Variants in BTNL9 observed in about 807,000 individuals in gnomAD.
BTNL9 encodes the protein butyrophilin-like protein 9.
A neutral mutation model predicts 45.8 loss-of-function variants in BTNL9; 45 were observed. The observed-to-expected ratio is 0.98, with a 90% CI of 0.77 to 1.26. The LOEUF is 1.26. Ranked by LOEUF, BTNL9 falls within the 50% of genes most tolerant of loss-of-function variation. The pLI, the probability that BTNL9 is intolerant of heterozygous loss-of-function variation, is 0.00. For missense variants in BTNL9, 784 were observed against 729.7 expected (o/e 1.07, Z -0.86); for synonymous variants, 346 against 330.8 (o/e 1.05, Z -0.50).
chr5:181,055,536 G>A lies in BTNL9; in HGVS notation c.928+83G>A, dbSNP rs922494214. On this transcript the variant is annotated intron_variant, in intron 8 of 10. Transcript: ENST00000327705. This position sits in a 1 kb window ranked among gnomAD's most constrained non-coding sequence, Gnocchi z 4.4. ...TGTAATCCCAGTACTTTGGGAGGCCGAGGCGGGTGGATCACGAGGTCAGGA... is the reference window on the plus strand; with the variant it reads ...TGTAATCCCAGTACTTTGGGAGGCCAAGGCGGGTGGATCACGAGGTCAGGA... 19 of 1,483,302 alleles carry A rather than the reference G, an allele frequency of 1.3e-5. No homozygotes were observed. Among genetic ancestry groups the A allele is most frequent in the East Asian group, 1.1e-4 (5 of 44,256 alleles). 91.9% of individuals were successfully genotyped at this position (1,483,302 alleles called of 1,614,324 possible).
chr5:181,059,741 A>T lies in BTNL9; in HGVS notation c.1487A>T (p.His496Leu). ...CCCAGGGCCCACGACGGCGGCGAAC[A>T]TCCGGATCCCCTGACCATCTGCCCG... ...FRPRAHDGGE[H>L]PDPLTICPLP... Residue 496 changes from histidine (H) to leucine (L), a missense_variant, in exon 11 of 11, where the codon CAT becomes CTT. By Grantham distance (99) the His-to-Leu change is moderately conservative. Transcript: ENST00000327705. The T allele has an allele frequency of 6.2e-7, 1 of 1,612,910 alleles. No individual in the cohort carries two copies. The highest frequency in any genetic ancestry group is 1.3e-5 in the African/African-American group (1 of 75,050).
At position 181,053,832 on chromosome 5, in the gene BTNL9, G is replaced by T; in HGVS notation, c.886+331G>T. 1 of 1,512,748 alleles carries T rather than the reference G, an allele frequency of 6.6e-7. No individual in the cohort carries two copies. Among genetic ancestry groups the T allele is most frequent in the Admixed American group, 2.0e-5 (1 of 50,252 alleles). 93.7% of individuals were successfully genotyped at this position (1,512,748 alleles called of 1,614,324 possible). ...CTGCTGCCAGCGCCACCTCGTCCAG[G>T]TTTTCATAGCGCACAGGGAGTCGGG... On this transcript the variant is annotated intron_variant, in intron 6 of 10. Transcript: ENST00000327705. The surrounding 1 kb of genome is among the most constrained non-coding windows in gnomAD (Gnocchi z 6.5).
chr5:181,054,530 C>T (rs1582143681), intron 7 of BTNL9: 7 of 985,298 alleles, frequency 7.1e-6, no homozygotes, highest in Non-Finnish European at 8.4e-6. Flanking sequence ...TTACTGTCTC[C>T]GGTTCATCTT....
Position 181,059,267 on chromosome 5 carries a change from A to G in BTNL9, c.1013A>G (p.His338Arg). The G allele has an allele frequency of 1.3e-6, 2 of 1,568,268 alleles. No homozygotes were observed. The highest frequency in any genetic ancestry group is 1.7e-6 in the Non-Finnish European group (2 of 1,166,124). ...VDVTLDPASA[H>R]PSLEVSEDGK... ...GTGACGCTGGACCCGGCCTCGGCGC[A>G]CCCCAGCCTGGAGGTGTCGGAGGAT... The change falls in exon 11 of 11, where the codon CAC becomes CGC. Residue 338 changes from histidine (H) to arginine (R), a missense_variant. By Grantham distance (29) the His-to-Arg change is conservative. Coordinates refer to ENST00000327705, the MANE Select transcript of BTNL9 (RefSeq NM_152547.5).
Position 181,048,108 on chromosome 5 carries a change from G to A in BTNL9, c.291G>A (p.Met97Ile), listed in dbSNP as rs748681907. ...QEQQELPGRQMPAFRNRTKLV... is the reference protein window; with the variant it reads ...QEQQELPGRQIPAFRNRTKLV... ...AGCAGGAGCTCCCTGGCAGGCAGAT[G>A]CCGGCGTTCCGGAACAGGACCAAGT... The change falls in exon 3 of 11, where the codon ATG (methionine) becomes ATA (isoleucine). Residue 97 changes from methionine to isoleucine, a missense_variant. Transcript: ENST00000327705. 6.2e-7 allele frequency: 1 copy of A among 1,613,636 alleles called. No individual in the cohort carries two copies. Among genetic ancestry groups the A allele is most frequent in the Non-Finnish European group, 8.5e-7 (1 of 1,180,000 alleles).
rs1212162077 is a variant in BTNL9 at position 181,042,078 on chromosome 5, G to A, written c.-24+1646G>A. Among the ~76,000 whole-genome samples the A allele has an allele frequency of 6.6e-6, 1 of 152,188 alleles. No individual in the cohort carries two copies. Among genetic ancestry groups the A allele is most frequent in the Non-Finnish European group, 1.5e-5 (1 of 68,030 alleles). ...GGTGCAGGAGGAGAGAACAGGAGTG[G>A]GGCGGGCTGGGGGCAATGAGAGAGC... is the stretch of plus-strand genomic sequence containing the variant. On this transcript the variant is annotated intron_variant, in intron 1 of 10. Coordinates refer to ENST00000327705, the MANE Select transcript of BTNL9 (RefSeq NM_152547.5). This position sits in a 1 kb window ranked among gnomAD's most constrained non-coding sequence, Gnocchi z 4.5.
At chr5:181,048,337 G>A (rs2113186014) in intron 3 of BTNL9, 66 bp downstream of exon 3, 4 of 1,388,600 alleles carry the variant, frequency 2.9e-6, no homozygotes, top group South Asian at 1.3e-5. Flanking sequence ...AAGTAGAGGT[G>A]GAGTCACAGA....
rs1307363229 is a variant in BTNL9, at chr5:181,055,687, T to A, written c.928+234T>A. 1.5e-6 allele frequency: 1 copy of A among 688,964 alleles called. No individual in the cohort carries two copies. The highest frequency in any genetic ancestry group is 2.6e-6 in the Non-Finnish European group (1 of 386,860). 42.7% of individuals were successfully genotyped at this position (688,964 alleles called of 1,614,324 possible). ...GGGAGGCTGAGGCAGGAGAAGGGCG[T>A]GAACCCGGGAAGCGGAGCTTGCAGT... On this transcript the variant is annotated intron_variant, in intron 8 of 10. Coordinates refer to ENST00000327705, the MANE Select transcript of BTNL9 (RefSeq NM_152547.5). This position sits in a 1 kb window ranked among gnomAD's most constrained non-coding sequence, Gnocchi z 4.4.
intron 1 of BTNL9, among the ~76,000 whole-genome samples, 156 bp from the exon 2 acceptor site, chr5:181,045,311 C>G (rs1761037379): frequency 6.6e-6 from 1 of 152,162 alleles, no homozygotes; most frequent in South Asian, 2.1e-4. Context: ...CAGCTCTCCC[C>G]TCTGGCCATG....
rs961832767 is a variant in BTNL9 at position 181,045,592 on chromosome 5, A to C, written c.103A>C (p.Ser35Arg). 8.1e-6 allele frequency: 13 copies of C among 1,610,256 alleles called. No homozygotes were observed. The highest frequency in any genetic ancestry group is 1.3e-5 in the African/African-American group (1 of 74,626). The change falls in exon 2 of 11, where the codon AGC becomes CGC. Residue 35 changes from serine (S) to arginine (R), a missense_variant. Transcript: ENST00000327705. Reference sequence around the variant, plus strand: ...CCTCCTCCTTCAGCCTGGGGAGCCGAGCTCAGGTATTGTGTCTGCAGCCTA... The same window carrying C: ...CCTCCTCCTTCAGCCTGGGGAGCCGCGCTCAGGTATTGTGTCTGCAGCCTA... ...HLLLLQPGEPSSEVKVLGPEY... is the reference protein window; with the variant it reads ...HLLLLQPGEPRSEVKVLGPEY...
rs768439165 is a variant in BTNL9 at position 181,048,007 on chromosome 5, C to T, written c.190C>T (p.Gln64Ter). 6.8e-6 allele frequency: 11 copies of T among 1,613,840 alleles called. No homozygotes were observed. In the Admixed American group the frequency reaches 1.3e-4, roughly 20 times the overall value. ...EVEFPCHLWPQLDAQQMEIRW... is the reference protein window; with the variant it reads ...EVEFPCHLWP The stretch of plus-strand genomic sequence containing the variant: ...GGAGTTCCCGTGCCACCTATGGCCA[C>T]AGCTGGATGCCCAGCAAATGGAGAT... Residue 64 changes from glutamine to a stop codon, truncating the protein, a stop_gained, in exon 3 of 11, where the codon CAG (glutamine) becomes TAG (stop). Transcript: ENST00000327705. LOFTEE classifies it high-confidence loss of function.
In BTNL9 at chr5:181,059,783, C is replaced by T. The variant is rs1762079798; in HGVS notation, c.1529C>T (p.Thr510Met). The T allele has an allele frequency of 6.2e-7, 1 of 1,608,704 alleles. No homozygotes were observed. The change falls in exon 11 of 11, where the codon ACG (threonine) becomes ATG (methionine). Residue 510 changes from threonine (T) to methionine (M), a missense_variant. Transcript: ENST00000327705. ...LTICPLPVRG[T>M]GVPEENDSDT... ...ATCTGCCCGCTGCCGGTTAGAGGGA[C>T]GGGCGTCCCCGAAGAGAACGACAGT...
intron 6 of BTNL9, 79 bp from the exon 7 acceptor site, chr5:181,054,160 C>T (rs897091436): frequency 1.9e-6 from 3 of 1,598,730 alleles, no homozygotes; most frequent in East Asian, 2.3e-5. Flanking sequence ...CAGTGTTCAC[C>T]CATCTGTTCT....
Position 181,047,963 on chromosome 5 carries a change from CCCT to C in BTNL9, c.148_150del (p.Leu50del), listed in dbSNP as rs772657762. On this transcript the variant is annotated inframe_deletion, in exon 3 of 11. Coordinates refer to ENST00000327705, the MANE Select transcript of BTNL9 (RefSeq NM_152547.5). ...CTAGGCCCTGAGTATCCCATCCTGG[CCCT>C]CGTCGGGGAGGAGGTGGAGTTCCCG... is the stretch of plus-strand genomic sequence containing the variant. The C allele has an allele frequency of 6.2e-7, 1 of 1,613,880 alleles. No individual in the cohort carries two copies. The highest frequency in any genetic ancestry group is 2.2e-5 in the East Asian group (1 of 44,886).
rs757778373 is a variant in BTNL9, at chr5:181,059,234, CA to C, written c.983-2del. 2 of 1,543,038 alleles carry C rather than the reference CA, an allele frequency of 1.3e-6. No individual in the cohort carries two copies. The highest frequency in any genetic ancestry group is 1.7e-6 in the Non-Finnish European group (2 of 1,154,520). On this transcript the variant is annotated splice_acceptor_variant, in intron 10 of 10. Transcript: ENST00000327705. LOFTEE classifies it high-confidence loss of function. ...CGGGCACTAACGCTGTGGCTCTGCG[CA>C]GTGGATGTGACGCTGGACCCGGCCT...
Position 181,050,013 on chromosome 5 carries a change from T to A in BTNL9, c.455-75T>A. On this transcript the variant is annotated intron_variant, in intron 3 of 10. Transcript: ENST00000327705. This position sits in a 1 kb window ranked among gnomAD's most constrained non-coding sequence, Gnocchi z 4.9. ...GATGCTTTATGGTGACTGCAAATGC[T>A]GAACAGTGGCAGGAATGTTATGCGT... The A allele has an allele frequency of 6.5e-7, 1 of 1,528,692 alleles. No homozygotes were observed. The highest frequency in any genetic ancestry group is 8.9e-7 in the Non-Finnish European group (1 of 1,128,326). 94.7% of individuals were successfully genotyped at this position (1,528,692 alleles called of 1,614,324 possible).
At position 181,047,932 on chromosome 5, in the gene BTNL9, AAGG is replaced by A. The variant is rs1406081081; in HGVS notation, c.116_118del (p.Lys39_Val40delinsMet). 1 of 1,612,784 alleles carries A rather than the reference AAGG, an allele frequency of 6.2e-7. No homozygotes were observed. The highest frequency in any genetic ancestry group is 1.1e-5 in the South Asian group (1 of 91,016). ...GTTCTGACTTGTCATCCTAGAGGTC[AAGG>A]TGCTAGGCCCTGAGTATCCCATCCT... On this transcript the variant is annotated inframe_deletion, in exon 3 of 11. Transcript: ENST00000327705.
intron 10 of BTNL9, 132 bp downstream of exon 10, chr5:181,058,510 A>C: frequency 8.2e-7 from 1 of 1,218,968 alleles, no homozygotes; most frequent in African/African-American, 1.5e-5. Context: ...CACAAGACAC[A>C]CACGCACACT....
At position 181,055,195 on chromosome 5, in the gene BTNL9, T is replaced by C; in HGVS notation, c.908-238T>C. ...TGTCAGTACTAAGATCTGGTATCCC[T>C]TCTAGGCTGTGTGCAGATTTCCACC... is the stretch of plus-strand genomic sequence containing the variant. On this transcript the variant is annotated intron_variant, in intron 7 of 10. Transcript: ENST00000327705. The surrounding 1 kb of genome is among the most constrained non-coding windows in gnomAD (Gnocchi z 4.4). 1 of 1,406,120 alleles carries C rather than the reference T, an allele frequency of 7.1e-7. No homozygotes were observed. Among genetic ancestry groups the C allele is most frequent in the Non-Finnish European group, 9.2e-7 (1 of 1,082,674 alleles). 87.1% of individuals were successfully genotyped at this position (1,406,120 alleles called of 1,614,324 possible).
Sources: gnomAD v4.1 joint callset for allele counts (sites outside exome capture counted in the v4.1 genomes callset) on GRCh38, gnomAD v4.1.1 for gene constraint, Gnocchi (gnomAD v3.1) non-coding constraint, MANE v1.5 for transcripts, NCBI Gene and HGNC (gene_info 2026-07-23, HGNC 2026-07-21) for gene names.